Variants in MARK1 observed in about 807,000 individuals in gnomAD.
MARK1 encodes the protein serine/threonine-protein kinase MARK1.
MARK1 carries 40 observed loss-of-function variants against 96.3 expected under a neutral mutation model. The observed-to-expected ratio is 0.42, with a 90% CI of 0.32 to 0.54. MARK1 has a LOEUF of 0.54. Ranked by LOEUF, MARK1 falls within the 20% of genes least tolerant of loss-of-function variation. MARK1 has a pLI of 0.16. For missense variants in MARK1, 719 were observed against 984.6 expected (o/e 0.73, Z 3.61); for synonymous variants, 317 against 341.2 (o/e 0.93, Z 0.78).
intron 1 of MARK1, among the ~76,000 whole-genome samples, chr1:220,554,954 T>C (rs1662145482): frequency 6.6e-6 from 1 of 152,242 alleles, no homozygotes; most frequent in South Asian, 2.1e-4. Flanking sequence ...CAAGCAGTTC[T>C]AATGGCTTCC....
rs117130903 is a variant in MARK1, at chr1:220,650,452, T to C, written c.1471-168T>C. Among the ~76,000 whole-genome samples the C allele has an allele frequency of 1.8e-3, 281 of 152,350 alleles. 7 individuals are homozygous for C. The East Asian group carries it at 0.044, about 24-fold the overall frequency. ...GAGTTCATTTTTGATGCTTTGTCTT[T>C]TACTTCTGAAATCTAAATTAGAGAG... On this transcript the variant is annotated intron_variant, in intron 13 of 17. Coordinates refer to ENST00000366917, the MANE Select transcript of MARK1 (RefSeq NM_018650.5).
chr1:220,553,305 G>C (rs1361256454), intron 1 of MARK1, among the ~76,000 whole-genome samples: 2 of 152,176 alleles, frequency 1.3e-5, no homozygotes, highest in Non-Finnish European at 2.9e-5. Flanking sequence ...AGTTCCGCCT[G>C]TACTCTTCCT....
chr1:220,649,151 C>A (rs1668734681), intron 13 of MARK1, among the ~76,000 whole-genome samples: 2 of 151,940 alleles, frequency 1.3e-5, no homozygotes, highest in South Asian at 4.1e-4. Context: ...TTTTTGAGAA[C>A]TTTTGTGTAA....
At chr1:220,628,533 C>A (rs940499889) in intron 9 of MARK1, among the ~76,000 whole-genome samples, 2 of 152,152 alleles carry the variant, frequency 1.3e-5, no homozygotes, top group Non-Finnish European at 1.5e-5. Flanking sequence ...CTCTCCTCTT[C>A]GAACTCTTTC....
chr1:220,532,448 A>G (rs948778317), intron 1 of MARK1, among the ~76,000 whole-genome samples: 17 of 152,190 alleles, frequency 1.1e-4, no homozygotes, highest in Non-Finnish European at 2.1e-4. Context: ...TGACTAGTAC[A>G]GTATATAAGA....
Position 220,618,167 on chromosome 1 carries a change from T to C in MARK1, c.553-143T>C. 1.6e-6 allele frequency: 1 copy of C among 618,358 alleles called. No individual in the cohort carries two copies. Among genetic ancestry groups the C allele is most frequent in the Non-Finnish European group, 2.8e-6 (1 of 351,552 alleles). 38.3% of individuals were successfully genotyped at this position (618,358 alleles called of 1,614,324 possible). ...AATTCAGAACAGTTATGCATTGAAG[T>C]ACCATACTGGGCTTCTAAATTTGAT... On this transcript the variant is annotated intron_variant, in intron 7 of 17. Coordinates refer to ENST00000366917, the MANE Select transcript of MARK1 (RefSeq NM_018650.5). This position sits in a 1 kb window ranked among gnomAD's most constrained non-coding sequence, Gnocchi z 4.6.
chr1:220,585,537 C>T (rs1433247544), intron 3 of MARK1, among the ~76,000 whole-genome samples: 1 of 152,058 alleles, frequency 6.6e-6, no homozygotes, highest in East Asian at 1.9e-4. Flanking sequence ...GGAAAGGGCT[C>T]AATGACATAT....
At position 220,592,136 on chromosome 1, in the gene MARK1, C is replaced by T. The variant is rs548776206; in HGVS notation, c.310-6195C>T. 1.3e-4 allele frequency among the ~76,000 whole-genome samples: 20 copies of T among 151,528 alleles called. No individual in the cohort carries two copies. The South Asian group carries it at 3.8e-3, about 28-fold the overall frequency. Reference sequence around the variant, plus strand: ...TCACACTTTTGCATAATCCCTTCCCCTTGATTGTGAACAGGACCTATGACT... The same window carrying T: ...TCACACTTTTGCATAATCCCTTCCCTTTGATTGTGAACAGGACCTATGACT... On this transcript the variant is annotated intron_variant, in intron 3 of 17. Transcript: ENST00000366917.
intron 9 of MARK1, among the ~76,000 whole-genome samples, chr1:220,630,163 A>C (rs2103002287): frequency 6.6e-6 from 1 of 152,280 alleles, no homozygotes; most frequent in East Asian, 1.9e-4. Flanking sequence ...GTGATAGCTC[A>C]CTATGGTTTT....
chr1:220,592,789 A>G (rs1017233027), intron 3 of MARK1, among the ~76,000 whole-genome samples: 3 of 152,208 alleles, frequency 2.0e-5, no homozygotes, highest in African/African-American at 7.2e-5. Flanking sequence ...AGGGAGCACC[A>G]CTAGCCAAGA....
chr1:220,607,522 T>C (rs1027203877), intron 6 of MARK1, among the ~76,000 whole-genome samples: 6 of 152,188 alleles, frequency 3.9e-5, no homozygotes, highest in Admixed American at 3.3e-4. Flanking sequence ...TATTTTTTTT[T>C]CTTGCCTGAT....
At position 220,528,585 on chromosome 1, in the gene MARK1, C is replaced by T. The variant is rs1387375841; in HGVS notation, c.-238C>T. 3.6e-5 allele frequency: 17 copies of T among 478,558 alleles called. No individual in the cohort carries two copies. Among genetic ancestry groups the T allele is most frequent in the Non-Finnish European group, 6.2e-5 (17 of 272,748 alleles). The allele number at this position is 478,558 out of a possible 1,614,324, so 29.6% of individuals were successfully genotyped here. ...GCAACCGCCTCGCCCGAAGCCCTCC[C>T]TCGTTACTGTCCGCATACCCCGGCG... On this transcript the variant is annotated 5_prime_UTR_variant, in exon 1 of 18. Transcript: ENST00000366917.
chr1:220,612,246 A>C (rs1399375324), intron 6 of MARK1, among the ~76,000 whole-genome samples: 2 of 152,222 alleles, frequency 1.3e-5, no homozygotes, highest in African/African-American at 4.8e-5. Flanking sequence ...ATGGAATTAG[A>C]GAAGTTGGAA....
chr1:220,609,733 A>C (rs948632245), intron 6 of MARK1, among the ~76,000 whole-genome samples: 1 of 152,230 alleles, frequency 6.6e-6, no homozygotes, highest in Non-Finnish European at 1.5e-5. Context: ...TTCAGGAGCT[A>C]TTGTAAGGCA....
intron 1 of MARK1, among the ~76,000 whole-genome samples, chr1:220,548,286 A>G (rs911704306): frequency 2.6e-5 from 4 of 152,232 alleles, no homozygotes; most frequent in South Asian, 2.1e-4. Context: ...TAAAATTTCA[A>G]TGTACTTCAA....
intron 3 of MARK1, among the ~76,000 whole-genome samples, chr1:220,588,318 G>T (rs896069515): frequency 6.6e-6 from 1 of 152,066 alleles, no homozygotes; most frequent in Non-Finnish European, 1.5e-5. Context: ...GAAATTATAA[G>T]ACTTATAATC....
At chr1:220,556,563 A>G (rs1662279048) in intron 1 of MARK1, among the ~76,000 whole-genome samples, 1 of 151,996 alleles carries the variant, frequency 6.6e-6, no homozygotes, top group Non-Finnish European at 1.5e-5. Flanking sequence ...AACAAATACA[A>G]AAAGTAGTAA....
chr1:220,639,061 T>G (rs752825985), intron 13 of MARK1, among the ~76,000 whole-genome samples: 4 of 152,122 alleles, frequency 2.6e-5, no homozygotes, highest in Non-Finnish European at 4.4e-5. Flanking sequence ...CTGGGCAACC[T>G]AGTGCAACTT....
intron 1 of MARK1, among the ~76,000 whole-genome samples, chr1:220,552,995 A>G (rs1376616714): frequency 2.0e-5 from 3 of 152,168 alleles, no homozygotes; most frequent in African/African-American, 4.8e-5. Flanking sequence ...CATCATGGCT[A>G]CTTTGTTCAT....
Sources: allele counts gnomAD v4.1 joint callset (sites outside exome capture counted in the v4.1 genomes callset), GRCh38; gene constraint gnomAD v4.1.1; non-coding constraint Gnocchi (gnomAD v3.1); transcripts MANE v1.5; gene names NCBI Gene and HGNC (gene_info 2026-07-23, HGNC 2026-07-21).